The following SNX29 variants were observed in gnomAD, a reference collection of about 807,000 sequenced individuals.
SNX29 encodes the protein sorting nexin 29, also known as sorting nexin-29.
A neutral mutation model predicts 102.1 loss-of-function variants in SNX29; 78 were observed. The ratio of observed to expected loss-of-function variants is 0.76; its 90% CI spans 0.64 to 0.92. SNX29 has a LOEUF of 0.92. Ranked by LOEUF, SNX29 falls within the 40% of genes least tolerant of loss-of-function variation. The pLI is 0.00. For missense variants in SNX29, 1,280 were observed against 1,061.7 expected, an observed-to-expected ratio of 1.21 and a Z score of -2.86; for synonymous variants, 580 against 414.5, an observed-to-expected ratio of 1.40 and a Z score of -4.85.
At chr16:12,561,434 C>T (rs1158547021) in intron 20 of SNX29, among the ~76,000 whole-genome samples, 1 of 152,120 alleles carries the variant, frequency 6.6e-6, no homozygotes, top group Non-Finnish European at 1.5e-5. Flanking sequence ...TTGCAGGGAT[C>T]CAGCCCTCTA....
chr16:12,134,231 T>G (rs1262382540), intron 13 of SNX29, among the ~76,000 whole-genome samples: 1 of 152,242 alleles, frequency 6.6e-6, no homozygotes, highest in African/African-American at 2.4e-5. Flanking sequence ...GGGGTCATTT[T>G]CCAATTCTTG....
chr16:12,546,783 A>C (rs2077633127), intron 20 of SNX29: 1 of 152,252 alleles, frequency 6.6e-6, no homozygotes, highest in Non-Finnish European at 1.5e-5. Context: ...GCAACAAAGG[A>C]AATTTTAAAT....
chr16:12,433,630 C>CAAAAAAAA (rs1235730528), intron 18 of SNX29, among the ~76,000 whole-genome samples: 41 of 55,326 alleles, frequency 7.4e-4, no homozygotes, highest in South Asian at 7.1e-3. Context: ...GACTGCGTCT[C>CAAAAAAAA]AAAAAAAAAA....
chr16:12,215,935 G>C (rs1331481020), intron 14 of SNX29, among the ~76,000 whole-genome samples: 1 of 152,134 alleles, frequency 6.6e-6, no homozygotes, highest in East Asian at 1.9e-4. Context: ...ATCAGGAGTG[G>C]TGCGTGCACA....
At chr16:12,190,760 G>C (rs889582263) in intron 13 of SNX29, among the ~76,000 whole-genome samples, 11 of 152,166 alleles carry the variant, frequency 7.2e-5, no homozygotes, top group African/African-American at 2.7e-4. Flanking sequence ...ACAGCTGCAA[G>C]AGGAGGGGAG....
Position 12,568,624 on chromosome 16 carries a change from C to G in SNX29, c.2437C>G (p.Leu813Val). The change falls in exon 21 of 21, where the codon CTC becomes GTC. Residue 813 changes from leucine (L) to valine (V), a missense_variant. Physicochemically the swap from Leu to Val is conservative, Grantham distance 32 (BLOSUM62 1). Coordinates refer to ENST00000566228, the MANE Select transcript of SNX29 (RefSeq NM_032167.5). Reference sequence around the variant, plus strand: ...CAACGTGGAGCCCCAGAGCGGTGACCTCTGACCTCGACAAAACCGCAGCCA... The same window carrying G: ...CAACGTGGAGCCCCAGAGCGGTGACGTCTGACCTCGACAAAACCGCAGCCA... ...TRNVEPQSGD[L>V] The G allele has an allele frequency of 1.2e-6, 2 of 1,603,192 alleles. No individual in the cohort carries two copies. Among genetic ancestry groups the G allele is most frequent in the Admixed American group, 1.7e-5 (1 of 60,000 alleles).
rs149532991 is a variant in SNX29 at position 12,075,845 on chromosome 16, T to C, written c.1320-2988T>C. On this transcript the variant is annotated intron_variant, in intron 10 of 20. Transcript: ENST00000566228. Reference sequence around the variant, plus strand: ...CAGTTCGAGCTTCCTGGCTGCTTTGTTTACCTAAGGGAGCCTGGGCAATGG... The same window carrying C: ...CAGTTCGAGCTTCCTGGCTGCTTTGCTTACCTAAGGGAGCCTGGGCAATGG... Among the ~76,000 whole-genome samples the C allele has an allele frequency of 1.5e-3, 227 of 152,296 alleles. 3 individuals are homozygous for C. The Middle Eastern group carries it at 0.024, about 16-fold the overall frequency.
At chr16:12,016,555 G>A (rs2056854750) in intron 3 of SNX29, among the ~76,000 whole-genome samples, 1 of 152,120 alleles carries the variant, frequency 6.6e-6, no homozygotes, top group South Asian at 2.1e-4. Context: ...CAGTGATCCA[G>A]TTTCTCTGTG....
At chr16:12,204,004 G>A (rs1022670827) in intron 14 of SNX29, among the ~76,000 whole-genome samples, 2 of 152,160 alleles carry the variant, frequency 1.3e-5, no homozygotes, top group African/African-American at 4.8e-5. Flanking sequence ...TACCTGGATG[G>A]CTCTGGCTAG....
chr16:12,200,512 T>C (rs972892095), intron 14 of SNX29, among the ~76,000 whole-genome samples: 16 of 150,982 alleles, frequency 1.1e-4, no homozygotes, highest in African/African-American at 3.9e-4. Context: ...AGACAGAGCC[T>C]CACTCTACCG....
At chr16:12,544,104 G>A (rs2077473297) in intron 20 of SNX29, among the ~76,000 whole-genome samples, 1 of 152,184 alleles carries the variant, frequency 6.6e-6, no homozygotes, top group Admixed American at 6.5e-5. Context: ...GGTTGTGGAA[G>A]GCTGTTAAGG....
At chr16:12,327,712 A>G (rs1373228462) in intron 15 of SNX29, among the ~76,000 whole-genome samples, 1 of 143,632 alleles carries the variant, frequency 7.0e-6, no homozygotes, top group East Asian at 2.2e-4. Flanking sequence ...TGCTTGGCAC[A>G]TGGAAACAGA....
intron 18 of SNX29, among the ~76,000 whole-genome samples, chr16:12,413,654 C>T (rs544893628): frequency 1.3e-5 from 2 of 152,264 alleles, no homozygotes; most frequent in East Asian, 3.9e-4. Context: ...GCAGGGGAGA[C>T]AGCTTGTTCA....
intron 20 of SNX29, among the ~76,000 whole-genome samples, chr16:12,548,276 C>A (rs981752388): frequency 6.6e-6 from 1 of 152,208 alleles, no homozygotes; most frequent in South Asian, 2.1e-4. Context: ...GTGGACCTGA[C>A]TGGGAAGGCT....
At chr16:12,141,494 G>A (rs1001115484) in intron 13 of SNX29, among the ~76,000 whole-genome samples, 7 of 152,234 alleles carry the variant, frequency 4.6e-5, no homozygotes, top group African/African-American at 1.4e-4. Context: ...GGGCTACTCC[G>A]CAGACAGAGC....
At chr16:12,211,941 A>G (rs1172135582) in intron 14 of SNX29, among the ~76,000 whole-genome samples, 2 of 152,324 alleles carry the variant, frequency 1.3e-5, no homozygotes, top group East Asian at 3.9e-4. Context: ...ACCTAGCCAC[A>G]TTGACACATG....
intron 15 of SNX29, among the ~76,000 whole-genome samples, chr16:12,313,460 T>G (rs2080630483): frequency 6.6e-6 from 1 of 152,180 alleles, no homozygotes; most frequent in Non-Finnish European, 1.5e-5. Context: ...CCTTCTCTCT[T>G]CCGGGAAAGT....
At chr16:12,303,438 G>C (rs751797432) in intron 15 of SNX29, among the ~76,000 whole-genome samples, 1 of 152,226 alleles carries the variant, frequency 6.6e-6, no homozygotes, top group Non-Finnish European at 1.5e-5. Flanking sequence ...GTGCACATCA[G>C]TTTGGATGGA....
intron 20 of SNX29, among the ~76,000 whole-genome samples, chr16:12,563,074 A>T (rs2078821140): frequency 6.6e-6 from 1 of 151,858 alleles, no homozygotes; most frequent in African/African-American, 2.4e-5. Context: ...CTGGAAGAGA[A>T]ATCCAGAATG....
Sources: gnomAD v4.1 joint callset for allele counts (sites outside exome capture counted in the v4.1 genomes callset) on GRCh38, gnomAD v4.1.1 for gene constraint, MANE v1.5 for transcripts, NCBI Gene and HGNC (gene_info 2026-07-23, HGNC 2026-07-21) for gene names.